The following HIVEP1 variants were observed in gnomAD, a reference collection of about 807,000 sequenced individuals.
HIVEP1 encodes the protein zinc finger protein 40.
A neutral mutation model predicts 180.0 loss-of-function variants in HIVEP1; 36 were observed. The ratio of observed to expected loss-of-function variants is 0.20; its 90% confidence interval spans 0.15 to 0.26. HIVEP1 has a LOEUF of 0.26. Among genes scored for constraint, HIVEP1 ranks in the 10% least tolerant of loss-of-function variants. The probability of loss-of-function intolerance (pLI) is 1.00; values close to 1 mark genes in which losing one functional copy is unlikely to be tolerated. For synonymous variants in HIVEP1, 1,239 were observed against 1,239.0 expected (o/e 1.00, Z 0.00); for missense variants, 3,143 against 3,268.7 (o/e 0.96, Z 0.94).
rs35739094 is a variant in HIVEP1, at chr6:12,130,099, AC to A, written c.6209+208del. On this transcript the variant is annotated intron_variant, in intron 5 of 8. Transcript: ENST00000379388. ...GAGAAATGATGACTATTTGGGAAAT[AC>A]TGTACAACCTTGAAGGCAGCTAAAA... is the stretch of plus-strand genomic sequence containing the variant. Among the ~76,000 whole-genome samples, 1,274 of 152,340 alleles carry A rather than the reference AC, an allele frequency of 8.4e-3. 19 individuals carry two copies. Among genetic ancestry groups the A allele is most frequent in the African/African-American group, 0.029 (1,213 of 41,578 alleles).
In HIVEP1 at chr6:12,163,601, G is replaced by C; in HGVS notation, c.7297G>C (p.Val2433Leu). Residue 2433 changes from valine to leucine, a missense_variant, in exon 9 of 9, where the codon GTC becomes CTC. Physicochemically the swap from Val to Leu is conservative, Grantham distance 32 (BLOSUM62 1). Coordinates refer to ENST00000379388, the MANE Select transcript of HIVEP1 (RefSeq NM_002114.4). ...PVQLTIPAVS[V>L]VHRTLGTHRN... Reference sequence around the variant, plus strand: ...GCAGCTCACGATCCCTGCTGTCAGTGTCGTTCACAGAACTTTGGGTACTCA... The same window carrying C: ...GCAGCTCACGATCCCTGCTGTCAGTCTCGTTCACAGAACTTTGGGTACTCA... The C allele has an allele frequency of 6.2e-7, 1 of 1,614,172 alleles. No homozygotes were observed. The highest frequency in any genetic ancestry group is 1.1e-5 in the South Asian group (1 of 91,088).
At chr6:12,211,399 CAA>C in the HIVEP1 span, among the ~76,000 whole-genome samples, 1,394 of 71,916 alleles carry the variant, frequency 0.019, 43 homozygotes, top group Non-Finnish European at 0.027. Flanking sequence ...GACTCTGTCT[CAA>C]AAAAAAAAAA....
At chr6:12,201,846 G>A in the HIVEP1 span, among the ~76,000 whole-genome samples, 5 of 152,120 alleles carry the variant, frequency 3.3e-5, no homozygotes, top group African/African-American at 1.2e-4. Flanking sequence ...TTTCTAACAT[G>A]TCTTTTGAAA....
intron 1 of HIVEP1, among the ~76,000 whole-genome samples, chr6:12,014,970 G>T (rs1436441083): frequency 6.6e-6 from 1 of 152,222 alleles, no homozygotes; most frequent in East Asian, 1.9e-4. Flanking sequence ...TCATGCTGTG[G>T]TAATAACTAA....
chr6:12,165,008 T>C (rs1396929404), downstream of HIVEP1: 1 of 396,058 alleles, frequency 2.5e-6, no homozygotes, highest in Non-Finnish European at 4.9e-6. Context: ...TACCATTGCT[T>C]CAGTTGTGCC....
In HIVEP1 at chr6:12,120,400, C is replaced by G; in HGVS notation, c.605C>G (p.Ala202Gly). 6.2e-7 allele frequency: 1 copy of G among 1,614,198 alleles called. No individual in the cohort carries two copies. Among genetic ancestry groups the G allele is most frequent in the Non-Finnish European group, 8.5e-7 (1 of 1,180,036 alleles). ...ACTGCATTCGATGTCTTACTGAAAG[C>G]AATGGAGCCAGAACTGAGCACCTTG... ...TNTAFDVLLK[A>G]MEPELSTLSQ... Residue 202 changes from alanine to glycine, a missense_variant, in exon 4 of 9, where the codon GCA becomes GGA. This residue lies in a region of HIVEP1 where 306 missense variants were observed against 310.6 expected (regional missense o/e 0.99). Transcript: ENST00000379388.
chr6:12,022,928 A>G (rs1474202846), intron 2 of HIVEP1, among the ~76,000 whole-genome samples: 2 of 152,180 alleles, frequency 1.3e-5, no homozygotes, highest in Non-Finnish European at 2.9e-5. Context: ...TTTCCACTTA[A>G]ATTCATTTAA....
chr6:12,080,741 AG>A (rs1390540976), intron 2 of HIVEP1, among the ~76,000 whole-genome samples: 1 of 152,176 alleles, frequency 6.6e-6, no homozygotes, highest in Non-Finnish European at 1.5e-5. Flanking sequence ...AGTTTTGCAA[AG>A]GGCAGACCAT....
intron 3 of HIVEP1, among the ~76,000 whole-genome samples, chr6:12,104,393 C>T (rs375680435): frequency 3.3e-3 from 318 of 96,718 alleles, no homozygotes; most frequent in Non-Finnish European, 5.9e-3. Flanking sequence ...TCTCTCTCTT[C>T]GTTTCTCTCT....
At chr6:12,179,334 T>C in the HIVEP1 span, among the ~76,000 whole-genome samples, 3 of 152,000 alleles carry the variant, frequency 2.0e-5, no homozygotes, top group Non-Finnish European at 2.9e-5. Context: ...GTGGTCCTGT[T>C]CCTCACCTCC....
chr6:12,132,481 A>G (rs1047794170), intron 6 of HIVEP1, among the ~76,000 whole-genome samples: 3 of 152,344 alleles, frequency 2.0e-5, no homozygotes, highest in Non-Finnish European at 4.4e-5. Context: ...AAGGGCAAAA[A>G]AGGAAGGACA....
intron 2 of HIVEP1, among the ~76,000 whole-genome samples, chr6:12,023,400 A>G (rs1768377437): frequency 6.6e-6 from 1 of 152,254 alleles, no homozygotes; most frequent in African/African-American, 2.4e-5. Context: ...ATGTTAGGTC[A>G]GCAGTTCCAT....
intron 4 of HIVEP1, among the ~76,000 whole-genome samples, chr6:12,126,976 G>A (rs1467155205): frequency 6.6e-6 from 1 of 152,014 alleles, no homozygotes; most frequent in East Asian, 1.9e-4. Context: ...TCCTGTCTCA[G>A]CCTCCTGAGT....
chr6:12,053,162 A>G (rs964626279), intron 2 of HIVEP1, among the ~76,000 whole-genome samples: 4 of 152,180 alleles, frequency 2.6e-5, no homozygotes, highest in African/African-American at 9.6e-5. Flanking sequence ...TATGGTGTTC[A>G]TTATAAAGAT....
rs73724337 is a variant in HIVEP1 at position 12,022,573 on chromosome 6, C to G, written c.40+6905C>G. On this transcript the variant is annotated intron_variant, in intron 2 of 8. Coordinates refer to ENST00000379388, the MANE Select transcript of HIVEP1 (RefSeq NM_002114.4). ...ACTGACTTGCTATGTGGTTGGTTTC[C>G]TTGTGTGTAAAATGGAGATGATGTG... Among the ~76,000 whole-genome samples the G allele has an allele frequency of 8.2e-3, 1,243 of 152,200 alleles. 18 individuals are homozygous for G. Among genetic ancestry groups the G allele is most frequent in the African/African-American group, 0.029 (1,190 of 41,480 alleles).
intron 7 of HIVEP1, among the ~76,000 whole-genome samples, chr6:12,159,207 T>TGC (rs1181843270): frequency 9.9e-5 from 15 of 151,784 alleles, no homozygotes; most frequent in African/African-American, 1.7e-4. Flanking sequence ...TGTGTGTGTG[T>TGC]GCGCGCGCGC....
the HIVEP1 span, among the ~76,000 whole-genome samples, chr6:12,180,306 A>C: frequency 6.6e-6 from 1 of 152,204 alleles, no homozygotes; most frequent in African/African-American, 2.4e-5. Flanking sequence ...TGCTAAGCTG[A>C]ATAAGAGCAT....
At chr6:12,177,497 T>TA in the HIVEP1 span, among the ~76,000 whole-genome samples, 1 of 152,196 alleles carries the variant, frequency 6.6e-6, no homozygotes, top group Non-Finnish European at 1.5e-5. Flanking sequence ...GGCCTAATGA[T>TA]AATGTCAACC....
chr6:12,039,455 T>C (rs958309392), intron 2 of HIVEP1, among the ~76,000 whole-genome samples: 15 of 152,220 alleles, frequency 9.9e-5, no homozygotes, highest in African/African-American at 3.1e-4. Flanking sequence ...GGTTGGGTTG[T>C]AGGAACCCTG....
Sources: gnomAD v4.1 joint callset for allele counts (sites outside exome capture counted in the v4.1 genomes callset) on GRCh38, gnomAD v4.1.1 for gene constraint, gnomAD v4.1.1 regional missense constraint, MANE v1.5 for transcripts, NCBI Gene and HGNC (gene_info 2026-07-23, HGNC 2026-07-21) for gene names.